Variants in DNAH7 observed in about 807,000 individuals in gnomAD.
DNAH7 encodes dynein axonemal heavy chain 7.
A neutral mutation model predicts 444.6 loss-of-function variants in DNAH7; 397 were observed. The ratio of observed to expected loss-of-function variants is 0.89; its 90% confidence interval spans 0.82 to 0.97. DNAH7 has a LOEUF of 0.97. Among genes scored for constraint, DNAH7 ranks in the 50% least tolerant of loss-of-function variants. The pLI, the probability that DNAH7 is intolerant of heterozygous loss-of-function variation, is 0.00. For synonymous variants in DNAH7, 1,636 were observed against 1,624.4 expected (o/e 1.01, Z -0.17); for missense variants, 4,902 against 4,800.8 (o/e 1.02, Z -0.62).
At chr2:195,970,147 T>C in intron 16 of DNAH7, 53 bp from the exon 17 acceptor site, 1 of 1,516,920 alleles carries the variant, frequency 6.6e-7, no homozygotes, top group Admixed American at 2.3e-5. Context: ...CCCCTTGCTG[T>C]CAAAAAATTT....
chr2:196,045,866 A>C (rs968706445), intron 5 of DNAH7, among the ~76,000 whole-genome samples: 1 of 152,160 alleles, frequency 6.6e-6, no homozygotes, highest in African/African-American at 2.4e-5. Flanking sequence ...TATGATAAAT[A>C]GGAAACATAA....
chr2:196,039,163 C>A (rs146304571), intron 5 of DNAH7, among the ~76,000 whole-genome samples: 4 of 152,204 alleles, frequency 2.6e-5, no homozygotes, highest in African/African-American at 7.2e-5. Context: ...TAAAAAAAAT[C>A]AAATCACACA....
chr2:195,945,654 G>A (rs1381735980), intron 19 of DNAH7, among the ~76,000 whole-genome samples: 1 of 152,082 alleles, frequency 6.6e-6, no homozygotes, highest in Non-Finnish European at 1.5e-5. Flanking sequence ...TGAAATGCTT[G>A]TTGCCAAATT....
chr2:196,048,407 A>G lies in DNAH7; in HGVS notation c.142-3T>C, dbSNP rs191893873. On this transcript the variant is annotated splice_polypyrimidine_tract_variant and splice_region_variant and intron_variant, in intron 3 of 64. Transcript: ENST00000312428. The stretch of plus-strand genomic sequence containing the variant: ...TGCCAGTGGGGCTTTGTACTCACCT[A>G]AAATACAAAATTTAAATAGCATTAA... 649 of 1,610,168 alleles carry G rather than the reference A, an allele frequency of 4.0e-4. No individual in the cohort carries two copies. The highest frequency in any genetic ancestry group is 4.6e-4 in the Non-Finnish European group (548 of 1,178,648).
intron 48 of DNAH7, among the ~76,000 whole-genome samples, chr2:195,832,236 C>T (rs1465666875): frequency 6.6e-6 from 1 of 152,028 alleles, no homozygotes; most frequent in Non-Finnish European, 1.5e-5. Flanking sequence ...TCTCTATGGC[C>T]CTTTTGTGTC....
At chr2:195,866,118 C>T (rs1700326658) in intron 40 of DNAH7, among the ~76,000 whole-genome samples, 1 of 152,184 alleles carries the variant, frequency 6.6e-6, no homozygotes, top group African/African-American at 2.4e-5. Flanking sequence ...TTGAGTAAAT[C>T]ACTGAAAATG....
intron 48 of DNAH7, among the ~76,000 whole-genome samples, chr2:195,831,155 A>T (rs1698048764): frequency 6.6e-6 from 1 of 152,236 alleles, no homozygotes; most frequent in African/African-American, 2.4e-5. Context: ...TCTTCTCTAC[A>T]AATTGATTTA....
intron 19 of DNAH7, among the ~76,000 whole-genome samples, chr2:195,952,980 A>T (rs1260469817): frequency 6.6e-6 from 1 of 152,152 alleles, no homozygotes; most frequent in East Asian, 1.9e-4. Context: ...CCTTGCTGGC[A>T]AGGAGTTGTA....
At chr2:195,753,288 G>A (rs974708777) in intron 63 of DNAH7, among the ~76,000 whole-genome samples, 1 of 152,094 alleles carries the variant, frequency 6.6e-6, no homozygotes, top group Non-Finnish European at 1.5e-5. Context: ...GGCATAAGTG[G>A]TTGTTTTGAG....
intron 54 of DNAH7, among the ~76,000 whole-genome samples, chr2:195,806,106 T>C (rs989927352): frequency 3.9e-5 from 3 of 76,524 alleles, no homozygotes; most frequent in Non-Finnish European, 6.2e-5. Context: ...AGCTAATGTC[T>C]ATTTTTTTTT....
At chr2:195,923,961 C>T (rs1296413524) in intron 22 of DNAH7, among the ~76,000 whole-genome samples, 154 bp from the exon 23 acceptor site, 2 of 152,110 alleles carry the variant, frequency 1.3e-5, no homozygotes, top group African/African-American at 4.8e-5. Flanking sequence ...TTTCTGACTA[C>T]AAAGATACTA....
intron 19 of DNAH7, among the ~76,000 whole-genome samples, chr2:195,949,499 G>A (rs961654996): frequency 6.6e-6 from 1 of 152,104 alleles, no homozygotes; most frequent in Non-Finnish European, 1.5e-5. Flanking sequence ...GGTCAGGCCG[G>A]TCTCGAACTC....
intron 51 of DNAH7, among the ~76,000 whole-genome samples, chr2:195,814,809 C>A (rs577096334): frequency 6.6e-6 from 1 of 151,872 alleles, no homozygotes; most frequent in South Asian, 2.1e-4. Context: ...GGCACAATCA[C>A]GACTCACTGC....
intron 1 of DNAH7, among the ~76,000 whole-genome samples, chr2:196,060,965 T>A (rs1386419246): frequency 6.6e-6 from 1 of 152,194 alleles, no homozygotes; most frequent in Non-Finnish European, 1.5e-5. Flanking sequence ...AAGTTCATTT[T>A]TAAATTTACA....
intron 51 of DNAH7, among the ~76,000 whole-genome samples, chr2:195,815,957 A>C (rs1488364368): frequency 6.6e-6 from 1 of 152,194 alleles, no homozygotes; most frequent in Non-Finnish European, 1.5e-5. Flanking sequence ...GCGCCACTGC[A>C]CTCCTGCCTG....
At chr2:195,763,806 AAAG>A (rs1330649393) in intron 61 of DNAH7, among the ~76,000 whole-genome samples, 1 of 152,002 alleles carries the variant, frequency 6.6e-6, no homozygotes, top group Admixed American at 6.6e-5. Flanking sequence ...CCAAACATTT[AAAG>A]AAGAATACCA....
intron 51 of DNAH7, among the ~76,000 whole-genome samples, chr2:195,810,883 A>T (rs759141664): frequency 2.6e-5 from 4 of 152,212 alleles, no homozygotes; most frequent in Non-Finnish European, 4.4e-5. Flanking sequence ...CATGGCATTG[A>T]ATTTGTCTCA....
intron 40 of DNAH7, 117 bp downstream of exon 40, chr2:195,872,133 C>A: frequency 4.9e-6 from 4 of 824,038 alleles, no homozygotes; most frequent in Non-Finnish European, 7.4e-6. Context: ...CTTCAAAATG[C>A]CAAATAACTG....
At chr2:195,968,975 T>C (rs1873215) in intron 17 of DNAH7, among the ~76,000 whole-genome samples, 2,707 of 152,312 alleles carry the variant, frequency 0.018, 84 homozygotes, top group African/African-American at 0.061. Flanking sequence ...ACAGATTCTC[T>C]CTCTGCACCA....
Sources: allele counts gnomAD v4.1 joint callset (sites outside exome capture counted in the v4.1 genomes callset), GRCh38; gene constraint gnomAD v4.1.1; transcripts MANE v1.5; gene names NCBI Gene and HGNC (gene_info 2026-07-23, HGNC 2026-07-21).